Variants in SBF2 observed in about 807,000 individuals in gnomAD.
The protein encoded by SBF2 is SET binding factor 2.
In SBF2, 112 loss-of-function variants were observed where a neutral mutation model predicts 225.2. The observed-to-expected ratio is 0.50, with a 90% confidence interval of 0.43 to 0.58. The LOEUF (loss-of-function observed/expected upper bound fraction) is 0.58, where lower values mean the gene tolerates loss of function less well. Among genes scored for constraint, SBF2 ranks in the 20% least tolerant of loss-of-function variants. The pLI is 0.00. For synonymous variants in SBF2, 763 were observed against 773.3 expected (o/e 0.99, Z 0.22); for missense variants, 1,996 against 2,206.2 (o/e 0.90, Z 1.91).
At chr11:10,089,694 A>G (rs548746532) in intron 2 of SBF2, among the ~76,000 whole-genome samples, 1 of 152,320 alleles carries the variant, frequency 6.6e-6, no homozygotes, top group Non-Finnish European at 1.5e-5. Flanking sequence ...ACATTAACAT[A>G]TATTTCAATA....
At chr11:9,830,748 A>AC (rs1161533948) in intron 27 of SBF2, among the ~76,000 whole-genome samples, 7 of 151,264 alleles carry the variant, frequency 4.6e-5, no homozygotes, top group South Asian at 2.1e-4. Context: ...TCAAAAACAA[A>AC]AAAAAAAAAA....
At chr11:10,185,138 G>T (rs76196585) in intron 2 of SBF2, among the ~76,000 whole-genome samples, 2 of 151,774 alleles carry the variant, frequency 1.3e-5, no homozygotes, top group African/African-American at 2.4e-5. Context: ...GCGTGCACAC[G>T]TGTATCACAT....
chr11:10,144,487 C>CAAAAT (rs71313476), intron 2 of SBF2, among the ~76,000 whole-genome samples: 12,425 of 151,734 alleles, frequency 0.082, 665 homozygotes, highest in Middle Eastern at 0.15. Context: ...GACCCTATCT[C>CAAAAT]AAAATAAAAT....
At chr11:10,040,627 ATAG>A (rs1398337222) in intron 3 of SBF2, among the ~76,000 whole-genome samples, 2 of 151,932 alleles carry the variant, frequency 1.3e-5, no homozygotes, top group African/African-American at 4.8e-5. Context: ...TGGAATATGG[ATAG>A]TAGGTTTTAT....
chr11:10,095,790 T>C (rs1316138606), intron 2 of SBF2, among the ~76,000 whole-genome samples: 2 of 152,216 alleles, frequency 1.3e-5, no homozygotes, highest in Non-Finnish European at 2.9e-5. Context: ...GTACTGATTT[T>C]AATCACATAT....
At chr11:9,960,341 T>C (rs999725134) in intron 16 of SBF2, 8 of 152,352 alleles carry the variant, frequency 5.3e-5, no homozygotes, top group African/African-American at 1.9e-4. Flanking sequence ...CCCAAATTCA[T>C]ATGGATATTT....
intron 2 of SBF2, among the ~76,000 whole-genome samples, chr11:10,080,781 C>G (rs774717880): frequency 1.3e-5 from 2 of 151,778 alleles, no homozygotes; most frequent in East Asian, 3.9e-4. Flanking sequence ...ATATTCCATG[C>G]AAACAAAAAT....
chr11:10,207,301 CA>C (rs1416327788), intron 1 of SBF2, among the ~76,000 whole-genome samples: 1 of 151,580 alleles, frequency 6.6e-6, no homozygotes, highest in East Asian at 1.9e-4. Flanking sequence ...AAAAACAAAG[CA>C]AAAAAAACTA....
intron 17 of SBF2, among the ~76,000 whole-genome samples, chr11:9,876,052 A>G (rs965627036): frequency 2.0e-5 from 3 of 152,202 alleles, no homozygotes; most frequent in African/African-American, 7.2e-5. Flanking sequence ...GCAGTGCTGA[A>G]GCCAGCATCA....
rs1247703447 is a variant in SBF2 at position 9,856,661 on chromosome 11, T to C, written c.2160A>G (p.Gln720=). ...EKTAMDLAAE[Q]LRLWPTLSKS... ...TGCTCAGGGTAGGCCAAAGGCGTAG[T>C]TGCTCAGCTGCCAGGTCCATTGCTG... Residue 720 remains glutamine (Q), a synonymous_variant, in exon 19 of 40, where the codon CAA becomes CAG. Transcript: ENST00000256190. 7.4e-6 allele frequency: 12 copies of C among 1,614,096 alleles called. No homozygotes were observed. The highest frequency in any genetic ancestry group is 4.0e-5 in the African/African-American group (3 of 74,928).
intron 2 of SBF2, among the ~76,000 whole-genome samples, chr11:10,141,301 G>A (rs1954629824): frequency 6.6e-6 from 1 of 152,128 alleles, no homozygotes; most frequent in Admixed American, 6.5e-5. Context: ...CTGTGCTCTT[G>A]ATGGGAATAG....
At position 10,290,776 on chromosome 11, in the gene SBF2, TAATA is replaced by T. The variant is rs144601589; in HGVS notation, c.55+3235_55+3238del. ...ATTCATAGTTTTCAATATACAGAGA[TAATA>T]AATAAATATAGATATAAATGCATAT... On this transcript the variant is annotated intron_variant, in intron 1 of 39. Coordinates refer to ENST00000256190, the MANE Select transcript of SBF2 (RefSeq NM_030962.4). Among the ~76,000 whole-genome samples the T allele has an allele frequency of 2.7e-3, 405 of 152,196 alleles. 4 individuals are homozygous for T. The highest frequency in any genetic ancestry group is 9.2e-3 in the African/African-American group (383 of 41,500).
intron 2 of SBF2, among the ~76,000 whole-genome samples, chr11:10,128,053 T>C (rs999863497): frequency 1.3e-5 from 2 of 152,202 alleles, no homozygotes; most frequent in African/African-American, 4.8e-5. Flanking sequence ...GCATTCAGTA[T>C]TACTATTAGA....
At chr11:9,842,509 T>C (rs917388552) in intron 25 of SBF2, 116 bp downstream of exon 25, 5 of 1,028,474 alleles carry the variant, frequency 4.9e-6, no homozygotes, top group Non-Finnish European at 7.4e-6. Flanking sequence ...AGTGCTTCCA[T>C]CTTCTCATGA....
intron 28 of SBF2, among the ~76,000 whole-genome samples, chr11:9,821,904 G>A (rs1299143632): frequency 6.6e-6 from 1 of 152,144 alleles, no homozygotes; most frequent in Non-Finnish European, 1.5e-5. Flanking sequence ...AAGTTTGAAA[G>A]TCACTGGCTA....
intron 6 of SBF2, among the ~76,000 whole-genome samples, chr11:10,018,374 A>G (rs1352324308): frequency 1.3e-5 from 2 of 151,462 alleles, no homozygotes; most frequent in African/African-American, 2.4e-5. Context: ...AGAGCACAGG[A>G]AAAAAAAAGG....
intron 1 of SBF2, among the ~76,000 whole-genome samples, chr11:10,277,371 T>C (rs1441013326): frequency 1.3e-5 from 2 of 152,216 alleles, no homozygotes; most frequent in Admixed American, 6.5e-5. Context: ...ACTTGTAATG[T>C]TGTGGGAGTG....
At chr11:10,103,467 C>G (rs1232237333) in intron 2 of SBF2, among the ~76,000 whole-genome samples, 1 of 152,088 alleles carries the variant, frequency 6.6e-6, no homozygotes, top group Non-Finnish European at 1.5e-5. Context: ...TCTGATATGA[C>G]TTAGTATATG....
intron 26 of SBF2, among the ~76,000 whole-genome samples, chr11:9,836,114 T>A (rs1213807070): frequency 6.6e-6 from 1 of 152,198 alleles, no homozygotes; most frequent in Non-Finnish European, 1.5e-5. Flanking sequence ...TCTCCTGATA[T>A]ACAGAAGTTC....
Sources: allele counts gnomAD v4.1 joint callset (sites outside exome capture counted in the v4.1 genomes callset), GRCh38; gene constraint gnomAD v4.1.1; transcripts MANE v1.5; gene names NCBI Gene and HGNC (gene_info 2026-07-23, HGNC 2026-07-21).